LRRTM4: variants seen among roughly 807,000 people sequenced by gnomAD.
The protein encoded by LRRTM4 is leucine rich repeat transmembrane neuronal 4.
LRRTM4 carries 25 observed loss-of-function variants against 47.6 expected under a neutral mutation model. That is an observed-to-expected ratio of 0.53 (90% CI 0.38 to 0.73). The LOEUF (loss-of-function observed/expected upper bound fraction) is 0.73. Among genes scored for constraint, LRRTM4 ranks in the 30% least tolerant of loss-of-function variants. LRRTM4 has a pLI of 0.00. For synonymous variants in LRRTM4, 311 were observed against 269.5 expected (o/e 1.15, Z -1.51); for missense variants, 638 against 713.4 (o/e 0.89, Z 1.20).
At chr2:77,048,879 G>A (rs1349476531) in intron 3 of LRRTM4, among the ~76,000 whole-genome samples, 1 of 151,214 alleles carries the variant, frequency 6.6e-6, no homozygotes, top group East Asian at 2.0e-4. Flanking sequence ...CAATACAGCT[G>A]TAATTTAGTA....
At chr2:77,088,660 C>T (rs1680811674) in intron 3 of LRRTM4, among the ~76,000 whole-genome samples, 1 of 152,178 alleles carries the variant, frequency 6.6e-6, no homozygotes, top group Non-Finnish European at 1.5e-5. Flanking sequence ...GGTCTCTTCA[C>T]ACGGACGCGC....
At chr2:76,867,207 G>A (rs372172675) in intron 3 of LRRTM4, among the ~76,000 whole-genome samples, 412 of 152,126 alleles carry the variant, frequency 2.7e-3, no homozygotes, top group African/African-American at 9.5e-3. Context: ...CACGTTCAGC[G>A]CATGTATCTC....
intron 3 of LRRTM4, among the ~76,000 whole-genome samples, chr2:77,044,072 TAA>T: frequency 6.6e-6 from 1 of 151,680 alleles, no homozygotes; most frequent in East Asian, 1.9e-4. Context: ...TAAAAATAAA[TAA>T]AGACAAAAAT....
chr2:76,916,528 C>T (rs1404576410), intron 3 of LRRTM4, among the ~76,000 whole-genome samples: 2 of 151,858 alleles, frequency 1.3e-5, no homozygotes, highest in African/African-American at 2.4e-5. Flanking sequence ...TTGAAAGGCA[C>T]TGGTGTCAAG....
chr2:77,082,100 C>T (rs1680552066), intron 3 of LRRTM4, among the ~76,000 whole-genome samples: 1 of 152,058 alleles, frequency 6.6e-6, no homozygotes, highest in Non-Finnish European at 1.5e-5. Flanking sequence ...TTCAAGAAAA[C>T]AAGTAGATCC....
At chr2:77,209,281 A>C (rs1674226552) in intron 3 of LRRTM4, among the ~76,000 whole-genome samples, 1 of 152,192 alleles carries the variant, frequency 6.6e-6, no homozygotes, top group African/African-American at 2.4e-5. Flanking sequence ...CTAAGTACTA[A>C]ATCATAATTA....
intron 3 of LRRTM4, among the ~76,000 whole-genome samples, chr2:77,208,093 G>T (rs975613359): frequency 1.3e-5 from 2 of 151,890 alleles, no homozygotes; most frequent in Admixed American, 1.3e-4. Context: ...TGGCCAGGCT[G>T]CTCTTGAACT....
intron 3 of LRRTM4, among the ~76,000 whole-genome samples, chr2:77,011,093 G>C (rs906366912): frequency 1.3e-5 from 2 of 152,026 alleles, no homozygotes; most frequent in African/African-American, 4.8e-5. Flanking sequence ...AGAATATAAT[G>C]CAAGTCCCAA....
intron 3 of LRRTM4, among the ~76,000 whole-genome samples, chr2:77,207,625 G>A (rs1367234511): frequency 2.6e-5 from 4 of 151,236 alleles, no homozygotes; most frequent in African/African-American, 4.9e-5. Flanking sequence ...TTGATGTCTC[G>A]TTATGCTACC....
chr2:77,241,419 TGA>T (rs1325464558), intron 3 of LRRTM4, among the ~76,000 whole-genome samples: 3 of 152,034 alleles, frequency 2.0e-5, no homozygotes, highest in Non-Finnish European at 4.4e-5. Context: ...TAGTTTAAAA[TGA>T]GTCAGTAATA....
intron 3 of LRRTM4, among the ~76,000 whole-genome samples, chr2:76,779,437 GGGT>G (rs1361007920): frequency 1.3e-5 from 2 of 149,136 alleles, no homozygotes; most frequent in Non-Finnish European, 3.0e-5. Flanking sequence ...TTATGAATCT[GGGT>G]GCTCCTGTAT....
chr2:76,957,912 TTGTGTGTGTGTATATATA>T (rs915809100), intron 3 of LRRTM4, among the ~76,000 whole-genome samples: 1 of 151,034 alleles, frequency 6.6e-6, no homozygotes, highest in African/African-American at 2.4e-5. Context: ...ATATATGTGT[TTGTGTGTGTGTATATATA>T]TGTGTGTGTG....
chr2:77,442,610 T>C (rs1378858821), intron 3 of LRRTM4, among the ~76,000 whole-genome samples: 1 of 152,204 alleles, frequency 6.6e-6, no homozygotes, highest in East Asian at 1.9e-4. Context: ...AAGATCTTAG[T>C]ATGTGTTAAA....
intron 3 of LRRTM4, among the ~76,000 whole-genome samples, chr2:76,812,504 C>T (rs1390186832): frequency 6.6e-6 from 1 of 152,028 alleles, no homozygotes; most frequent in Admixed American, 6.6e-5. Flanking sequence ...TTTAAATTGA[C>T]TGGGAATACT....
intron 3 of LRRTM4, among the ~76,000 whole-genome samples, chr2:77,088,038 C>T (rs1680783186): frequency 6.6e-6 from 1 of 152,148 alleles, no homozygotes; most frequent in African/African-American, 2.4e-5. Flanking sequence ...ACAACAAATA[C>T]AAGTAAGTGT....
chr2:76,808,926 CA>C (rs1208155654), intron 3 of LRRTM4, among the ~76,000 whole-genome samples: 2 of 152,008 alleles, frequency 1.3e-5, no homozygotes, highest in African/African-American at 4.8e-5. Flanking sequence ...GTAAAGAATT[CA>C]AATTATATCA....
intron 3 of LRRTM4, among the ~76,000 whole-genome samples, chr2:77,089,477 A>C (rs1247366101): frequency 2.0e-5 from 3 of 146,358 alleles, no homozygotes; most frequent in African/African-American, 2.5e-5. Flanking sequence ...CCGTGCCCCG[A>C]CCTCTTATTT....
At chr2:77,237,635 A>G (rs895938184) in intron 3 of LRRTM4, among the ~76,000 whole-genome samples, 2 of 152,060 alleles carry the variant, frequency 1.3e-5, no homozygotes, top group African/African-American at 4.8e-5. Flanking sequence ...ACCCACATAT[A>G]GGTTCATCTC....
chr2:77,131,006 T>C (rs1397309778), intron 3 of LRRTM4, among the ~76,000 whole-genome samples: 1 of 146,940 alleles, frequency 6.8e-6, no homozygotes, highest in Non-Finnish European at 1.5e-5. Flanking sequence ...GGCTAATTTT[T>C]TGTATTTTTA....
Sources: allele counts gnomAD v4.1 joint callset (sites outside exome capture counted in the v4.1 genomes callset), GRCh38; gene constraint gnomAD v4.1.1; transcripts MANE v1.5; gene names NCBI Gene and HGNC (gene_info 2026-07-23, HGNC 2026-07-21).